The following NECTIN2 variants were observed in gnomAD, a reference collection of about 807,000 sequenced individuals.
NECTIN2 encodes the protein nectin cell adhesion molecule 2.
Under a neutral mutation model 56.9 loss-of-function variants are expected in NECTIN2, and 23 were observed. The ratio of observed to expected loss-of-function variants is 0.40; its 90% confidence interval spans 0.29 to 0.57. The LOEUF (loss-of-function observed/expected upper bound fraction) is 0.57. Ranked by LOEUF, NECTIN2 falls within the 20% of genes least tolerant of loss-of-function variation. The pLI is 0.38. For missense variants in NECTIN2, 587 were observed against 718.3 expected (o/e 0.82, Z 2.09); for synonymous variants, 302 against 313.8 (o/e 0.96, Z 0.40).
intron 2 of NECTIN2, among the ~76,000 whole-genome samples, chr19:44,866,276 G>A (rs1053322384): frequency 5.3e-5 from 8 of 151,996 alleles, no homozygotes; most frequent in East Asian, 1.9e-4. Context: ...ATGGTGGTGC[G>A]CAGATGTGGT....
At chr19:44,850,970 G>T (rs1057164975) in intron 1 of NECTIN2, among the ~76,000 whole-genome samples, 5 of 152,082 alleles carry the variant, frequency 3.3e-5, no homozygotes, top group African/African-American at 4.8e-5. Flanking sequence ...AGCCAGCCAG[G>T]CAGGAGTCCA....
chr19:44,879,008 T>G, intron 5 of NECTIN2: 6 of 726,674 alleles, frequency 8.3e-6, no homozygotes, highest in Non-Finnish European at 8.5e-6. Flanking sequence ...GGACAGGGAC[T>G]CCTAGGTCCC....
chr19:44,846,484 C>T lies in NECTIN2; in HGVS notation c.-42C>T. On this transcript the variant is annotated 5_prime_UTR_variant, in exon 1 of 9. Transcript: ENST00000252483. ...AGCCGATCGGCCCCCACAGAGTGGC[C>T]CGCGGGCCTCCGGCCGGGCCCAGTC... The T allele has an allele frequency of 7.0e-7, 1 of 1,424,032 alleles. No individual in the cohort carries two copies. Among genetic ancestry groups the T allele is most frequent in the Non-Finnish European group, 9.1e-7 (1 of 1,099,414 alleles). The allele number at this position is 1,424,032 out of a possible 1,614,324, so 88.2% of individuals were successfully genotyped here.
chr19:44,886,636 C>T (rs1014389284), intron 8 of NECTIN2, among the ~76,000 whole-genome samples: 1 of 152,108 alleles, frequency 6.6e-6, no homozygotes, highest in African/African-American at 2.4e-5. Flanking sequence ...GAGGAAGAAT[C>T]GCCTGAACCC....
At chr19:44,867,774 G>A (rs1243326019) in intron 2 of NECTIN2, among the ~76,000 whole-genome samples, 1 of 152,196 alleles carries the variant, frequency 6.6e-6, no homozygotes. Flanking sequence ...CACAGGTGGA[G>A]GCGAGGAGGC....
intron 2 of NECTIN2, among the ~76,000 whole-genome samples, chr19:44,868,465 T>C (rs199982981): frequency 1.9e-5 from 2 of 104,014 alleles, no homozygotes; most frequent in Non-Finnish European, 3.8e-5. Flanking sequence ...TTTTCCTTTT[T>C]CTTTTTTTTT....
In NECTIN2 at chr19:44,875,263, A is replaced by G. The variant is rs1486912837; in HGVS notation, c.1042+785A>G. On this transcript the variant is annotated intron_variant, in intron 5 of 8. Transcript: ENST00000252483. This position sits in a 1 kb window ranked among gnomAD's most constrained non-coding sequence, Gnocchi z 4.2. ...GAAGCCAGATGACACCTGGAAAGGG[A>G]CATTCTTTTTTTTTTTTTTTGAGAT... is the stretch of plus-strand genomic sequence containing the variant. 2.0e-5 allele frequency among the ~76,000 whole-genome samples: 3 copies of G among 148,370 alleles called. No homozygotes were observed.
At chr19:44,859,593 G>A (rs1969008445) in intron 1 of NECTIN2, among the ~76,000 whole-genome samples, 1 of 152,208 alleles carries the variant, frequency 6.6e-6, no homozygotes, top group Admixed American at 6.5e-5. Flanking sequence ...GGAGGCCAAG[G>A]CGGGTGGATC....
rs575503424 is a variant in NECTIN2, at chr19:44,884,024, G to A, written c.1196+1660G>A. 8.6e-5 allele frequency among the ~76,000 whole-genome samples: 13 copies of A among 151,992 alleles called. No individual in the cohort carries two copies. The South Asian group carries it at 2.7e-3, about 32-fold the overall frequency. On this transcript the variant is annotated intron_variant, in intron 6 of 8. Coordinates refer to ENST00000252483, the MANE Select transcript of NECTIN2 (RefSeq NM_001042724.2). ...GTCCCAGCTACTTGGGTGGGCTGAGGTGGGGGTGGGGGCATGTGGAGGCTG... is the reference window on the plus strand; with the variant it reads ...GTCCCAGCTACTTGGGTGGGCTGAGATGGGGGTGGGGGCATGTGGAGGCTG...
chr19:44,868,512 TC>T (rs2122674569), intron 2 of NECTIN2, among the ~76,000 whole-genome samples: 2 of 150,274 alleles, frequency 1.3e-5, no homozygotes, highest in Non-Finnish European at 3.0e-5. Flanking sequence ...CACTACATTG[TC>T]CAGGCTAGAC....
intron 2 of NECTIN2, among the ~76,000 whole-genome samples, chr19:44,868,141 C>T (rs935718979): frequency 1.3e-5 from 2 of 151,606 alleles, no homozygotes; most frequent in African/African-American, 2.4e-5. Flanking sequence ...GTGGGCAGAT[C>T]GCTTTGAGGT....
At chr19:44,866,412 TAAATAA>T (rs941650876) in intron 2 of NECTIN2, among the ~76,000 whole-genome samples, 18 of 151,728 alleles carry the variant, frequency 1.2e-4, no homozygotes, top group Non-Finnish European at 2.5e-4. Context: ...CTCTAATAAA[TAAATAA>T]AAGAGTAAGT....
Position 44,871,900 on chromosome 19 carries a change from G to C in NECTIN2, c.526G>C (p.Asp176His), listed in dbSNP as rs146534542. The C allele has an allele frequency of 2.0e-3, 3,227 of 1,614,140 alleles. 86 individuals carry two copies. In the South Asian group the frequency reaches 0.033, roughly 17 times the overall value. Residue 176 changes from aspartate (D) to histidine (H), a missense_variant, in exon 3 of 9, where the codon GAC becomes CAC. Transcript: ENST00000252483. ...GGCCCAGAAGGTCACGTTCAGCCAG[G>C]ACCCTACGACAGTGGCCCTCTGCAT... ...AEAQKVTFSQ[D>H]PTTVALCISK...
At chr19:44,871,157 C>T (rs573015217) in intron 2 of NECTIN2, among the ~76,000 whole-genome samples, 16 of 152,304 alleles carry the variant, frequency 1.1e-4, no homozygotes, top group Admixed American at 2.0e-4. Context: ...TGAACCACCA[C>T]GCCCGACCAG....
intron 5 of NECTIN2, chr19:44,878,829 G>A: frequency 7.4e-7 from 1 of 1,360,232 alleles, no homozygotes; most frequent in Non-Finnish European, 9.4e-7. Flanking sequence ...CCGGGGAGCT[G>A]AGTAGTGGGG....
chr19:44,846,488 G>C lies in NECTIN2; in HGVS notation c.-38G>C. 1 of 1,423,092 alleles carries C rather than the reference G, an allele frequency of 7.0e-7. No individual in the cohort carries two copies. Among genetic ancestry groups the C allele is most frequent in the Non-Finnish European group, 9.1e-7 (1 of 1,098,766 alleles). The allele number at this position is 1,423,092 out of a possible 1,614,324, so 88.2% of individuals were successfully genotyped here. A position where few individuals can be genotyped will look rare whatever the true frequency, so the allele number is the denominator to read the frequency against. ...GATCGGCCCCCACAGAGTGGCCCGC[G>C]GGCCTCCGGCCGGGCCCAGTCCCCT... On this transcript the variant is annotated 5_prime_UTR_variant, in exon 1 of 9. Transcript: ENST00000252483.
intron 1 of NECTIN2, among the ~76,000 whole-genome samples, chr19:44,852,832 C>T (rs915050500): frequency 6.6e-6 from 1 of 152,068 alleles, no homozygotes; most frequent in African/African-American, 2.4e-5. Context: ...AGGCAGGACG[C>T]GGTGGCTCAC....
At chr19:44,882,169 C>T in intron 5 of NECTIN2, 42 bp from the exon 6 acceptor site, 1 of 1,370,972 alleles carries the variant, frequency 7.3e-7, no homozygotes. Context: ...GGAGCTGTGG[C>T]TTCCTCCTGG....
chr19:44,856,073 G>A (rs1177919658), intron 1 of NECTIN2, among the ~76,000 whole-genome samples: 1 of 152,152 alleles, frequency 6.6e-6, no homozygotes, highest in Non-Finnish European at 1.5e-5. Context: ...GGCTAAGGTA[G>A]GCAGATCACC....
Sources: gnomAD v4.1 joint callset for allele counts (sites outside exome capture counted in the v4.1 genomes callset) on GRCh38, gnomAD v4.1.1 for gene constraint, Gnocchi (gnomAD v3.1) non-coding constraint, MANE v1.5 for transcripts, NCBI Gene and HGNC (gene_info 2026-07-23, HGNC 2026-07-21) for gene names.